DDX60L: variants seen among roughly 807,000 people sequenced by gnomAD.
The protein encoded by DDX60L is probable ATP-dependent RNA helicase DDX60-like.
DDX60L carries 191 observed loss-of-function variants against 211.6 expected under a neutral mutation model. The observed-to-expected ratio is 0.90, with a 90% CI of 0.80 to 1.02. The LOEUF is 1.02. DDX60L is among the 50% of genes least tolerant of loss of function. DDX60L has a pLI of 0.00. For missense variants in DDX60L, 2,007 were observed against 1,984.1 expected, an observed-to-expected ratio of 1.01 and a Z score of -0.22; for synonymous variants, 706 against 694.1, an observed-to-expected ratio of 1.02 and a Z score of -0.27.
At chr4:168,475,827 C>A (rs1020049666) in intron 1 of DDX60L, among the ~76,000 whole-genome samples, 1 of 151,988 alleles carries the variant, frequency 6.6e-6, no homozygotes, top group East Asian at 1.9e-4. Context: ...GGGTCCTTAT[C>A]GGATAGGACT....
rs1752582724 is a variant in DDX60L at position 168,433,079 on chromosome 4, A to C, written c.1331T>G (p.Ile444Ser). Residue 444 changes from isoleucine to serine, a missense_variant, in exon 11 of 38, where the codon ATT becomes AGT. Coordinates refer to ENST00000682922, the MANE Select transcript of DDX60L (RefSeq NM_001012967.3). ...ATCAATTACAGCAGATGTCATTGGA[A>C]TAAAGCCCACACTAGGCATCTTTTC... ...SLEKMPSVGF[I>S]PMTSAVIDEF... 11 of 1,609,132 alleles carry C rather than the reference A, an allele frequency of 6.8e-6. No homozygotes were observed. Among genetic ancestry groups the C allele is most frequent in the Non-Finnish European group, 9.3e-6 (11 of 1,177,288 alleles).
intron 8 of DDX60L, among the ~76,000 whole-genome samples, chr4:168,452,354 T>C (rs1206835988): frequency 6.6e-6 from 1 of 152,222 alleles, no homozygotes; most frequent in Non-Finnish European, 1.5e-5. Flanking sequence ...ATACAAAAGC[T>C]TCAAATGATC....
At chr4:168,420,682 TAGACAGACAGAC>T (rs70961519) in intron 17 of DDX60L, among the ~76,000 whole-genome samples, 4,736 of 127,508 alleles carry the variant, frequency 0.037, 121 homozygotes, top group Admixed American at 0.075. Flanking sequence ...GATAGATAGA[TAGACAGACAGAC>T]AGACAGACAG....
chr4:168,403,995 C>A lies in DDX60L; in HGVS notation c.3325G>T (p.Ala1109Ser). The A allele has an allele frequency of 2.1e-6, 3 of 1,458,286 alleles. No homozygotes were observed. Among genetic ancestry groups the A allele is most frequent in the South Asian group, 1.5e-5 (1 of 67,452 alleles). 90.3% of individuals were successfully genotyped at this position (1,458,286 alleles called of 1,614,324 possible). ...TCAGTTACTTACAAAAAAAATATTG[C>A]AGGCAACTTATCCATTTGTCTTAAC... is the stretch of plus-strand genomic sequence containing the variant. ...EKLRQMDKLP[A>S]IFFLFKNDDV... is the part of the protein sequence containing the mutation. The change falls in exon 25 of 38, where the codon GCA (alanine) becomes TCA (serine). Residue 1109 changes from alanine to serine, a missense_variant. By Grantham distance (99) the Ala-to-Ser change is moderately conservative. Transcript: ENST00000682922.
At chr4:168,382,388 A>G (rs1024936386) in intron 30 of DDX60L, among the ~76,000 whole-genome samples, 1 of 152,186 alleles carries the variant, frequency 6.6e-6, no homozygotes, top group Non-Finnish European at 1.5e-5. Context: ...CCTTTTGGCT[A>G]AGATCAAGTG....
chr4:168,468,671 A>T (rs149632553), intron 4 of DDX60L: 1 of 152,316 alleles, frequency 6.6e-6, no homozygotes, highest in African/African-American at 2.4e-5. Context: ...AAAAAATAAA[A>T]TTGGAAAATA....
At chr4:168,407,147 G>A (rs1238944404) in intron 22 of DDX60L, among the ~76,000 whole-genome samples, 1 of 152,134 alleles carries the variant, frequency 6.6e-6, no homozygotes, top group Non-Finnish European at 1.5e-5. Context: ...ATGATTTTAT[G>A]GGTACCAAGC....
At chr4:168,428,312 G>C (rs1751793171) in intron 13 of DDX60L, among the ~76,000 whole-genome samples, 1 of 152,172 alleles carries the variant, frequency 6.6e-6, no homozygotes, top group South Asian at 2.1e-4. Flanking sequence ...GCAGTGCTAA[G>C]AAACCTACAG....
At chr4:168,391,997 T>A (rs1321039593) in intron 28 of DDX60L, among the ~76,000 whole-genome samples, 1 of 152,208 alleles carries the variant, frequency 6.6e-6, no homozygotes, top group Non-Finnish European at 1.5e-5. Flanking sequence ...CATGAGGACA[T>A]GGGCATTGAT....
intron 17 of DDX60L, among the ~76,000 whole-genome samples, chr4:168,421,051 C>T (rs1750524184): frequency 6.6e-6 from 1 of 151,896 alleles, no homozygotes; most frequent in Non-Finnish European, 1.5e-5. Context: ...GGCCATATTG[C>T]TGGAAATGGA....
intron 29 of DDX60L, among the ~76,000 whole-genome samples, chr4:168,387,589 T>C (rs1166828410): frequency 6.6e-6 from 1 of 152,194 alleles, no homozygotes; most frequent in Non-Finnish European, 1.5e-5. Context: ...GCAGATCTCA[T>C]ATCCTTTTGT....
At chr4:168,448,919 G>A in intron 8 of DDX60L, 140 bp from the exon 9 acceptor site, 2 of 739,618 alleles carry the variant, frequency 2.7e-6, no homozygotes, top group South Asian at 2.0e-5. Flanking sequence ...TATTACAGAT[G>A]GTGATCTATA....
In DDX60L at chr4:168,415,525, C is replaced by G. The variant is rs371218654; in HGVS notation, c.2870-8G>C. 82 of 1,539,258 alleles carry G rather than the reference C, an allele frequency of 5.3e-5. 1 individual carries two copies. Among genetic ancestry groups the G allele is most frequent in the Non-Finnish European group, 6.1e-5 (69 of 1,122,508 alleles). Reference sequence around the variant, plus strand: ...ATCTCTCTCCACAGAGCACTAGATACGAAGAGCAAGAATATCCAAATTAAT... The same window carrying G: ...ATCTCTCTCCACAGAGCACTAGATAGGAAGAGCAAGAATATCCAAATTAAT... On this transcript the variant is annotated splice_region_variant and splice_polypyrimidine_tract_variant and intron_variant, in intron 21 of 37. Coordinates refer to ENST00000682922, the MANE Select transcript of DDX60L (RefSeq NM_001012967.3).
chr4:168,360,352 C>A (rs938885283), intron 37 of DDX60L, among the ~76,000 whole-genome samples: 1 of 152,164 alleles, frequency 6.6e-6, no homozygotes, highest in African/African-American at 2.4e-5. Context: ...TAGCTATAAG[C>A]CACTTGAGGA....
intron 34 of DDX60L, 130 bp from the exon 35 acceptor site, chr4:168,373,938 G>T: frequency 4.7e-6 from 4 of 853,030 alleles, no homozygotes; most frequent in Non-Finnish European, 7.3e-6. Context: ...ATTGAGATAT[G>T]GTGCATAAAG....
intron 29 of DDX60L, among the ~76,000 whole-genome samples, chr4:168,389,366 T>C (rs1744415067): frequency 6.6e-6 from 1 of 152,150 alleles, no homozygotes; most frequent in South Asian, 2.1e-4. Context: ...AAAATCCATA[T>C]CATTTTTTTC....
At chr4:168,421,609 C>T (rs557107114) in intron 17 of DDX60L, 151 bp downstream of exon 17, 15 of 989,610 alleles carry the variant, frequency 1.5e-5, no homozygotes, top group Middle Eastern at 2.5e-4. Flanking sequence ...GAGCCGAGAT[C>T]GCGCCACTGC....
chr4:168,373,716 G>C lies in DDX60L; in HGVS notation c.4726C>G (p.Leu1576Val). ...AAATCATTATCTGTGTTCCCCGAAA[G>C]ACAAACAAATGGTGAAATGGCTACT... ...GRVAISPFVC[L>V]SGNTDNDLLR... Residue 1576 changes from leucine to valine, a missense_variant, in exon 35 of 38, where the codon CTT becomes GTT. By Grantham distance (32) the Leu-to-Val change is conservative. Coordinates refer to ENST00000682922, the MANE Select transcript of DDX60L (RefSeq NM_001012967.3). The C allele has an allele frequency of 2.5e-6, 4 of 1,614,030 alleles. No homozygotes were observed. The highest frequency in any genetic ancestry group is 3.4e-6 in the Non-Finnish European group (4 of 1,179,922).
chr4:168,383,057 TTAAA>T (rs1743240653), intron 30 of DDX60L, among the ~76,000 whole-genome samples: 1 of 152,176 alleles, frequency 6.6e-6, no homozygotes, highest in African/African-American at 2.4e-5. Flanking sequence ...CTTATTAAAG[TTAAA>T]TAGTCAGTAA....
Sources: allele counts gnomAD v4.1 joint callset (sites outside exome capture counted in the v4.1 genomes callset), GRCh38; gene constraint gnomAD v4.1.1; transcripts MANE v1.5; gene names NCBI Gene and HGNC (gene_info 2026-07-23, HGNC 2026-07-21).